The following TCF12 variants were observed in gnomAD, a reference collection of about 807,000 sequenced individuals.
TCF12 encodes the protein transcription factor 12.
Under a neutral mutation model 86.0 loss-of-function variants are expected in TCF12, and 45 were observed. The ratio of observed to expected loss-of-function variants is 0.52; its 90% CI spans 0.41 to 0.67. TCF12 has a LOEUF of 0.67. Ranked by LOEUF, TCF12 falls within the 30% of genes least tolerant of loss-of-function variation. TCF12 has a pLI of 0.00. For missense variants in TCF12, 881 were observed against 859.9 expected, an observed-to-expected ratio of 1.02 and a Z score of -0.31; for synonymous variants, 330 against 299.6, an observed-to-expected ratio of 1.10 and a Z score of -1.05.
In TCF12 at chr15:57,288,281, A is replaced by G. The variant is rs1450477417; in HGVS notation, c.*2136A>G. 4.6e-5 allele frequency: 7 copies of G among 152,598 alleles called. No individual in the cohort carries two copies. Among genetic ancestry groups the G allele is most frequent in the South Asian group, 2.1e-4 (1 of 4,830 alleles). 9.5% of individuals were successfully genotyped at this position (152,598 alleles called of 1,614,324 possible). A position where few individuals can be genotyped will look rare whatever the true frequency, so the allele number is the denominator to read the frequency against. On this transcript the variant is annotated 3_prime_UTR_variant, in exon 21 of 21. Coordinates refer to ENST00000333725, the MANE Select transcript of TCF12 (RefSeq NM_207037.2). Reference sequence around the variant, plus strand: ...GATTCTAGCATACCGTGTAGTACCTATGGAGTATTGTAAGAGCTAATTGTT... The same window carrying G: ...GATTCTAGCATACCGTGTAGTACCTGTGGAGTATTGTAAGAGCTAATTGTT...
chr15:57,170,129 C>G (rs1342229035), intron 6 of TCF12, among the ~76,000 whole-genome samples: 1 of 152,140 alleles, frequency 6.6e-6, no homozygotes, highest in African/African-American at 2.4e-5. Flanking sequence ...GGCTACATAT[C>G]TAGCAAGTGG....
At chr15:57,235,721 A>G (rs2059353592) in intron 12 of TCF12, among the ~76,000 whole-genome samples, 1 of 152,224 alleles carries the variant, frequency 6.6e-6, no homozygotes, top group South Asian at 2.1e-4. Flanking sequence ...TAACAGGACA[A>G]ATAACATTTG....
intron 5 of TCF12, among the ~76,000 whole-genome samples, chr15:57,143,531 T>C (rs1384310102): frequency 2.6e-5 from 4 of 152,198 alleles, no homozygotes; most frequent in Non-Finnish European, 5.9e-5. Flanking sequence ...TGTCAGAATA[T>C]TTAAAAAATG....
chr15:57,165,703 A>AT (rs1384171669), intron 5 of TCF12, among the ~76,000 whole-genome samples: 1 of 149,954 alleles, frequency 6.7e-6, no homozygotes, highest in Non-Finnish European at 1.5e-5. Flanking sequence ...TGCCTGGCTA[A>AT]TTTTTTGTAT....
chr15:57,042,859 AT>A (rs1659044738), intron 3 of TCF12, among the ~76,000 whole-genome samples: 1 of 152,126 alleles, frequency 6.6e-6, no homozygotes, highest in Non-Finnish European at 1.5e-5. Context: ...TTTACAGCAG[AT>A]CTTTAGTACT....
At chr15:57,023,240 T>C (rs1403798782) in intron 3 of TCF12, among the ~76,000 whole-genome samples, 1 of 152,220 alleles carries the variant, frequency 6.6e-6, no homozygotes, top group Non-Finnish European at 1.5e-5. Context: ...TTTTATTCAG[T>C]GCTTGTTTAG....
chr15:56,956,007 G>A (rs989909740), intron 3 of TCF12, among the ~76,000 whole-genome samples: 2 of 151,926 alleles, frequency 1.3e-5, no homozygotes, highest in Non-Finnish European at 2.9e-5. Context: ...TTCTGATAAT[G>A]GCTTAGAAAT....
chr15:57,001,723 A>T (rs1178287744), intron 3 of TCF12, among the ~76,000 whole-genome samples: 1 of 152,102 alleles, frequency 6.6e-6, no homozygotes, highest in Non-Finnish European at 1.5e-5. Flanking sequence ...TGTCAGTAAA[A>T]TTTCTTAATT....
At chr15:57,270,254 T>C (rs564885278) in intron 18 of TCF12, among the ~76,000 whole-genome samples, 90 of 152,338 alleles carry the variant, frequency 5.9e-4, no homozygotes, top group Non-Finnish European at 1.1e-3. Flanking sequence ...CTTTGTTCAT[T>C]TGTTTTCACT....
intron 3 of TCF12, among the ~76,000 whole-genome samples, chr15:57,004,245 T>G (rs1347948360): frequency 2.6e-5 from 4 of 152,096 alleles, no homozygotes; most frequent in African/African-American, 9.6e-5. Context: ...TTCTTTTTTT[T>G]TTTTTGAGAT....
At chr15:57,014,649 G>A in intron 3 of TCF12, among the ~76,000 whole-genome samples, 1 of 152,124 alleles carries the variant, frequency 6.6e-6, no homozygotes. Flanking sequence ...AGGCCAGCCT[G>A]CTAGGTACAC....
chr15:57,028,124 C>G (rs2065929841), intron 3 of TCF12, among the ~76,000 whole-genome samples: 1 of 152,068 alleles, frequency 6.6e-6, no homozygotes. Context: ...TCACCACACC[C>G]AGCTAGTTTT....
chr15:57,139,948 C>T (rs1249938865), intron 5 of TCF12, among the ~76,000 whole-genome samples: 2 of 152,198 alleles, frequency 1.3e-5, no homozygotes, highest in Non-Finnish European at 2.9e-5. Context: ...TAGATGCCGT[C>T]TTTCCCACAG....
chr15:57,125,781 G>A (rs1313785429), intron 5 of TCF12, among the ~76,000 whole-genome samples: 2 of 152,112 alleles, frequency 1.3e-5, no homozygotes, highest in African/African-American at 4.8e-5. Context: ...TTAAGTAAAA[G>A]GCATACACTC....
In TCF12 at chr15:57,061,806, A is replaced by G. The variant is rs753999975; in HGVS notation, c.149-1944A>G. ...TTCATAAAATTATATGCAGTTCCAT[A>G]TATTAGTGGATTTTGTAGGTTAATG... On this transcript the variant is annotated intron_variant, in intron 3 of 20. Transcript: ENST00000333725. Among the ~76,000 whole-genome samples, 9 of 152,158 alleles carry G rather than the reference A, an allele frequency of 5.9e-5. 1 individual carries two copies. The highest frequency in any genetic ancestry group is 3.9e-4 in the Admixed American group (6 of 15,276).
chr15:57,243,376 T>G, intron 12 of TCF12, 96 bp from the exon 13 acceptor site: 1 of 1,061,530 alleles, frequency 9.4e-7, no homozygotes, highest in Non-Finnish European at 1.4e-6. Flanking sequence ...GTCTTAGGGG[T>G]GACAACTAGA....
intron 1 of TCF12, 88 bp from the exon 2 acceptor site, chr15:56,919,804 T>TG: frequency 8.3e-7 from 1 of 1,211,128 alleles, no homozygotes; most frequent in Non-Finnish European, 1.2e-6. Context: ...CCAGCGCTCT[T>TG]GCGTAATCTT....
intron 5 of TCF12, among the ~76,000 whole-genome samples, chr15:57,161,713 G>T (rs2054516337): frequency 6.6e-6 from 1 of 152,132 alleles, no homozygotes. Flanking sequence ...AATTTAGCAT[G>T]GCCTTCCATT....
intron 4 of TCF12, among the ~76,000 whole-genome samples, chr15:57,064,851 T>G (rs2068745405): frequency 6.7e-6 from 1 of 148,366 alleles, no homozygotes; most frequent in African/African-American, 2.5e-5. Flanking sequence ...GGCCATACTT[T>G]AAGTGAATAA....
Sources: allele counts gnomAD v4.1 joint callset (sites outside exome capture counted in the v4.1 genomes callset), GRCh38; gene constraint gnomAD v4.1.1; transcripts MANE v1.5; gene names NCBI Gene and HGNC (gene_info 2026-07-23, HGNC 2026-07-21).